LMBR1L: variants seen among roughly 807,000 people sequenced by gnomAD.
LMBR1L encodes protein LMBR1L.
A neutral mutation model predicts 67.3 loss-of-function variants in LMBR1L; 47 were observed. That is an observed-to-expected ratio of 0.70 (90% CI 0.55 to 0.89). The LOEUF (loss-of-function observed/expected upper bound fraction) is 0.89, where lower values mean the gene tolerates loss of function less well. Ranked by LOEUF, LMBR1L falls within the 40% of genes least tolerant of loss-of-function variation. The pLI, the probability that LMBR1L is intolerant of heterozygous loss-of-function variation, is 0.00. For missense variants in LMBR1L, 533 were observed against 599.2 expected (o/e 0.89, Z 1.15); for synonymous variants, 247 against 250.3 (o/e 0.99, Z 0.13).
At chr12:49,109,683 G>T (rs752884592) in intron 1 of LMBR1L, 1 of 456,566 alleles carries the variant, frequency 2.2e-6, no homozygotes, top group South Asian at 1.5e-5. Context: ...TCAAAGCAAG[G>T]CTGAGAAAGA....
chr12:49,106,797 C>G (rs1419336233), intron 2 of LMBR1L, 164 bp downstream of exon 2: 3 of 824,568 alleles, frequency 3.6e-6, no homozygotes, highest in Non-Finnish European at 6.2e-6. Context: ...ATCCATCTAG[C>G]CGCCCTTGCC....
chr12:49,098,051 T>G lies in LMBR1L; in HGVS notation c.1295A>C (p.Asn432Thr). ...GDFGRFNWLG[N>T]FYIVFLYNAA... ...GTTGTAGAGGAACACAATGTAGAAA[T>G]TGCCCAGCCAGTTGAAGCGTCCAAA... The change falls in exon 16 of 17, where the codon AAT becomes ACT. Residue 432 changes from asparagine to threonine, a missense_variant. Physicochemically the swap from Asn to Thr is moderately conservative, Grantham distance 65. This residue lies in a region of LMBR1L where 223 missense variants were observed against 241.2 expected (regional missense o/e 0.92). Transcript: ENST00000267102. The G allele has an allele frequency of 6.2e-7, 1 of 1,614,112 alleles. No homozygotes were observed. Among genetic ancestry groups the G allele is most frequent in the Non-Finnish European group, 8.5e-7 (1 of 1,180,020 alleles).
rs1180987144 is a variant in LMBR1L, at chr12:49,100,548, C to T, written c.1173+8G>A. The T allele has an allele frequency of 6.2e-7, 1 of 1,613,800 alleles. No homozygotes were observed. The highest frequency in any genetic ancestry group is 1.3e-5 in the African/African-American group (1 of 74,906). ...CCCCGGGAGCTTCCCTTACTCCCTC[C>T]CAGCTACCTGCGTCATGGCAGTGTC... On this transcript the variant is annotated splice_region_variant and intron_variant, in intron 14 of 16. Transcript: ENST00000267102.
chr12:49,102,594 G>A (rs1940345032), intron 8 of LMBR1L, 54 bp from the exon 9 acceptor site: 1 of 1,559,246 alleles, frequency 6.4e-7, no homozygotes, highest in Admixed American at 1.7e-5. Context: ...TGACCCAAAG[G>A]CCCCAGGAGA....
chr12:49,110,281 C>G, intron 1 of LMBR1L: 1 of 605,424 alleles, frequency 1.7e-6, no homozygotes, highest in Non-Finnish European at 2.9e-6. Context: ...AAACGACGGC[C>G]TTTGTTTATC....
chr12:49,100,714 C>T, intron 13 of LMBR1L, 68 bp from the exon 14 acceptor site: 3 of 1,186,958 alleles, frequency 2.5e-6, no homozygotes, highest in Non-Finnish European at 3.6e-6. Context: ...GGGAACAGAG[C>T]TCTCTCCCAG....
At chr12:49,106,169 G>C in intron 2 of LMBR1L, 2 of 568,668 alleles carry the variant, frequency 3.5e-6, no homozygotes, top group East Asian at 5.8e-5. Flanking sequence ...CAGGTGAAGA[G>C]AATACAGGCC....
intron 5 of LMBR1L, chr12:49,104,029 ACCTATT>A (rs1778609692): frequency 1.9e-6 from 1 of 540,002 alleles, no homozygotes; most frequent in Admixed American, 3.6e-5. Flanking sequence ...CTTTCCCCAG[ACCTATT>A]CCTTGTCATT....
In LMBR1L at chr12:49,105,312, C is replaced by T. The variant is rs142254935; in HGVS notation, c.192-427G>A. The stretch of plus-strand genomic sequence containing the variant: ...CAGGGTCATCCCATATGGCTATGCC[C>T]TGCACAAAGGCATGAGGGCAAAGGA... On this transcript the variant is annotated intron_variant, in intron 3 of 16. Transcript: ENST00000267102. 1.5e-5 allele frequency: 3 copies of T among 195,644 alleles called. No homozygotes were observed. In the East Asian group the frequency reaches 3.7e-4, roughly 24 times the overall value. 12.1% of individuals were successfully genotyped at this position (195,644 alleles called of 1,614,324 possible).
rs530644210 is a variant in LMBR1L at position 49,097,598 on chromosome 12, G to T, written c.*74C>A. The stretch of plus-strand genomic sequence containing the variant: ...GATTCCAGGTCCTGAGGTCCAAGTA[G>T]CCTTGGGCTTCCCTCCAGGCCTAGG... On this transcript the variant is annotated 3_prime_UTR_variant, in exon 17 of 17. Transcript: ENST00000267102. 7.5e-6 allele frequency: 11 copies of T among 1,475,334 alleles called. No homozygotes were observed. Among genetic ancestry groups the T allele is most frequent in the Non-Finnish European group, 9.4e-6 (10 of 1,060,302 alleles). The allele number at this position is 1,475,334 out of a possible 1,614,324, so 91.4% of individuals were successfully genotyped here.
intron 15 of LMBR1L, among the ~76,000 whole-genome samples, 168 bp from the exon 16 acceptor site, chr12:49,098,273 A>G (rs1467902467): frequency 6.6e-6 from 1 of 152,158 alleles, no homozygotes; most frequent in African/African-American, 2.4e-5. Flanking sequence ...GGACTGTTCT[A>G]AGTGCCAGCA....
intron 3 of LMBR1L, 96 bp downstream of exon 3, chr12:49,105,826 CTG>C (rs1940823858): frequency 1.0e-6 from 1 of 972,474 alleles, no homozygotes; most frequent in African/African-American, 1.7e-5. Context: ...TCTCTCTTCA[CTG>C]TGTGAGACTT....
At position 49,110,813 on chromosome 12, in the gene LMBR1L, G is replaced by A. The variant is rs1941464350; in HGVS notation, c.-258C>T. On this transcript the variant is annotated 5_prime_UTR_variant, in exon 1 of 17. It adds an upstream start codon to the 5' untranslated region. Transcript: ENST00000267102. ...CTCTTTAAGGTCGGGTCGCGCTCACGTTTCAATGCAAACACCCGCCACTAG... is the reference window on the plus strand; with the variant it reads ...CTCTTTAAGGTCGGGTCGCGCTCACATTTCAATGCAAACACCCGCCACTAG... 2.0e-6 allele frequency: 1 copy of A among 502,374 alleles called. No homozygotes were observed. Among genetic ancestry groups the A allele is most frequent in the Non-Finnish European group, 3.6e-6 (1 of 278,120 alleles). The allele number at this position is 502,374 out of a possible 1,614,324, so 31.1% of individuals were successfully genotyped here. A position where few individuals can be genotyped will look rare whatever the true frequency, so the allele number is the denominator to read the frequency against.
intron 1 of LMBR1L, chr12:49,110,237 A>AGGGGG: frequency 1.0e-5 from 3 of 289,324 alleles, no homozygotes; most frequent in South Asian, 1.0e-4. Context: ...GGTGGGAGGG[A>AGGGGG]GGGGCAGGGG....
intron 2 of LMBR1L, 43 bp from the exon 3 acceptor site, chr12:49,106,000 G>A (rs749535838): frequency 6.3e-7 from 1 of 1,584,108 alleles, no homozygotes; most frequent in Non-Finnish European, 8.6e-7. Context: ...GAGGACATCA[G>A]GGGGCAGCTC....
At chr12:49,103,655 C>A in intron 6 of LMBR1L, 32 bp downstream of exon 6, 1 of 1,591,976 alleles carries the variant, frequency 6.3e-7, no homozygotes. Flanking sequence ...AACTGAAAAG[C>A]CATGCAGCCT....
Position 49,097,873 on chromosome 12 carries a change from G to T in LMBR1L, c.1402+71C>A. On this transcript the variant is annotated intron_variant, in intron 16 of 16. Transcript: ENST00000267102. ...GGAAGCACACCCTCTCCCCTGCTGG[G>T]GTGATCCATGTTCCAGAGTGTCCTA... 3.8e-6 allele frequency: 6 copies of T among 1,590,898 alleles called. No individual in the cohort carries two copies. The South Asian group carries it at 6.8e-5, about 18-fold the overall frequency.
chr12:49,103,020 C>A (rs1940410263), intron 7 of LMBR1L, 69 bp from the exon 8 acceptor site: 1 of 1,606,868 alleles, frequency 6.2e-7, no homozygotes. Flanking sequence ...GCCCCCCATT[C>A]CCTTTCCTTC....
In LMBR1L at chr12:49,101,493, A is replaced by G; in HGVS notation, c.987T>C (p.Ala329=). 1 of 1,614,010 alleles carries G rather than the reference A, an allele frequency of 6.2e-7. No homozygotes were observed. The highest frequency in any genetic ancestry group is 8.5e-7 in the Non-Finnish European group (1 of 1,179,948). Residue 329 remains alanine, a synonymous_variant, in exon 12 of 17, where the codon GCT becomes GCC. Transcript: ENST00000267102. ...GTACCTGCATGCCTCGGGGCATGGCAGCCTCATCGATGAGCAGCTCCAGGA... is the reference window on the plus strand; with the variant it reads ...GTACCTGCATGCCTCGGGGCATGGCGGCCTCATCGATGAGCAGCTCCAGGA... The part of the protein sequence containing the change: ...IHILELLIDE[A]AMPRGMQGTS...
Sources: allele counts gnomAD v4.1 joint callset (sites outside exome capture counted in the v4.1 genomes callset), GRCh38; gene constraint gnomAD v4.1.1; regional missense constraint gnomAD v4.1.1; transcripts MANE v1.5; gene names NCBI Gene and HGNC (gene_info 2026-07-23, HGNC 2026-07-21).